The following KAZN variants were observed in gnomAD, a reference collection of about 807,000 sequenced individuals.
The protein encoded by KAZN is kazrin, periplakin interacting protein, also known as kazrin.
KAZN carries 40 observed loss-of-function variants against 87.4 expected under a neutral mutation model. That is an observed-to-expected ratio of 0.46 (90% CI 0.36 to 0.60). KAZN has a LOEUF of 0.60. KAZN is among the 20% of genes least tolerant of loss of function. The pLI is 0.00. For synonymous variants in KAZN, 466 were observed against 458.3 expected, an observed-to-expected ratio of 1.02 and a Z score of -0.22; for missense variants, 898 against 1,073.9, an observed-to-expected ratio of 0.84 and a Z score of 2.29.
chr1:14,219,877 T>C (rs1647054167), intron 2 of KAZN, among the ~76,000 whole-genome samples: 1 of 152,206 alleles, frequency 6.6e-6, no homozygotes, highest in Non-Finnish European at 1.5e-5. Flanking sequence ...TTAATCCATA[T>C]GTTCTAGTTT....
chr1:14,154,456 G>T (rs1421827935), intron 1 of KAZN, among the ~76,000 whole-genome samples: 1 of 152,072 alleles, frequency 6.6e-6, no homozygotes, highest in Non-Finnish European at 1.5e-5. Context: ...AGATAATTTG[G>T]CTTCTTCCTT....
chr1:14,141,748 C>T (rs1645244455), intron 1 of KAZN, among the ~76,000 whole-genome samples: 1 of 152,146 alleles, frequency 6.6e-6, no homozygotes, highest in Admixed American at 6.5e-5. Flanking sequence ...GTTTTGGCAG[C>T]ATGTGCTACT....
intron 1 of KAZN, among the ~76,000 whole-genome samples, chr1:14,175,319 G>C (rs763772553): frequency 6.6e-6 from 1 of 152,164 alleles, no homozygotes; most frequent in African/African-American, 2.4e-5. Flanking sequence ...TAGCCAGGAT[G>C]GTCTTGATCT....
intron 1 of KAZN, among the ~76,000 whole-genome samples, chr1:13,895,599 C>A (rs951846002): frequency 1.3e-5 from 2 of 152,104 alleles, no homozygotes; most frequent in African/African-American, 4.8e-5. Context: ...TCAATTAGGA[C>A]GCGAAAGGGA....
intron 2 of KAZN, among the ~76,000 whole-genome samples, chr1:14,496,508 G>T (rs551110181): frequency 6.6e-6 from 1 of 152,062 alleles, no homozygotes; most frequent in South Asian, 2.1e-4. Flanking sequence ...GAGAAAAAAG[G>T]TGTTTCCTTT....
chr1:14,396,378 C>T (rs962854589), intron 2 of KAZN, among the ~76,000 whole-genome samples: 10 of 152,112 alleles, frequency 6.6e-5, no homozygotes, highest in African/African-American at 2.2e-4. Context: ...AAGTCCCTGC[C>T]AGCCAAAGAC....
At chr1:14,542,500 G>T (rs1384002539) in intron 2 of KAZN, among the ~76,000 whole-genome samples, 1 of 152,106 alleles carries the variant, frequency 6.6e-6, no homozygotes, top group African/African-American at 2.4e-5. Flanking sequence ...ATATACTTCA[G>T]ATTTTAAGGA....
chr1:14,743,688 T>C (rs1390615066), intron 1 of KAZN, among the ~76,000 whole-genome samples: 2 of 152,262 alleles, frequency 1.3e-5, no homozygotes, highest in East Asian at 3.9e-4. Context: ...CAAGTTGCTT[T>C]GGTTCCCAGC....
At chr1:13,896,730 G>C (rs1456184201) in intron 1 of KAZN, among the ~76,000 whole-genome samples, 2 of 152,208 alleles carry the variant, frequency 1.3e-5, no homozygotes, top group African/African-American at 4.8e-5. Context: ...CCTCTAAATT[G>C]CATAGTCCCT....
intron 2 of KAZN, among the ~76,000 whole-genome samples, chr1:14,457,591 T>C (rs1667632522): frequency 2.0e-5 from 3 of 152,156 alleles, no homozygotes; most frequent in Admixed American, 1.3e-4. Flanking sequence ...TTATTTATTA[T>C]AGTACATTTT....
At chr1:14,269,520 GAGA>G (rs1342198310) in intron 2 of KAZN, among the ~76,000 whole-genome samples, 3 of 152,178 alleles carry the variant, frequency 2.0e-5, no homozygotes, top group Admixed American at 6.5e-5. Context: ...AGGGAACTGG[GAGA>G]AGATTAGGCT....
intron 1 of KAZN, among the ~76,000 whole-genome samples, chr1:13,925,458 C>A (rs1473624261): frequency 6.6e-6 from 1 of 152,000 alleles, no homozygotes; most frequent in African/African-American, 2.4e-5. Context: ...GACTTTTGGG[C>A]AAAGATCTGA....
At chr1:14,466,469 G>A (rs1014310903) in intron 2 of KAZN, among the ~76,000 whole-genome samples, 1 of 152,064 alleles carries the variant, frequency 6.6e-6, no homozygotes, top group Admixed American at 6.6e-5. Context: ...ACAGGGAGGG[G>A]AACAACACAC....
chr1:14,559,139 A>T (rs1201854591), intron 2 of KAZN, among the ~76,000 whole-genome samples: 2 of 152,128 alleles, frequency 1.3e-5, no homozygotes, highest in African/African-American at 4.8e-5. Flanking sequence ...GTCCCAAATG[A>T]GTCCCTTGGG....
intron 1 of KAZN, among the ~76,000 whole-genome samples, chr1:14,626,889 C>A (rs1679183806): frequency 6.6e-6 from 1 of 152,176 alleles, no homozygotes; most frequent in African/African-American, 2.4e-5. Flanking sequence ...TCCACTGATC[C>A]TTAAGTGCCA....
intron 1 of KAZN, among the ~76,000 whole-genome samples, chr1:14,885,236 C>T (rs536081934): frequency 1.7e-4 from 26 of 152,124 alleles, no homozygotes; most frequent in Non-Finnish European, 3.4e-4. Flanking sequence ...GAAGGTGGCT[C>T]GCCCCCATCC....
At position 15,099,527 on chromosome 1, in the gene KAZN, G is replaced by C. The variant is rs1015933857; in HGVS notation, c.1548-2016G>C. On this transcript the variant is annotated intron_variant, in intron 10 of 14. Coordinates refer to ENST00000376030, the MANE Select transcript of KAZN (RefSeq NM_201628.3). The surrounding 1 kb of genome is among the most constrained non-coding windows in gnomAD (Gnocchi z 5.4). ...GGTGAGCCCTGGGCAGGGTTGCAAG[G>C]GGCTGGCCGGGGAGGGGAATGGGGG... Among the ~76,000 whole-genome samples, 2 of 152,112 alleles carry C rather than the reference G, an allele frequency of 1.3e-5. No homozygotes were observed. The highest frequency in any genetic ancestry group is 4.8e-5 in the African/African-American group (2 of 41,422).
chr1:15,091,513 G>A (rs1473747371), intron 8 of KAZN, among the ~76,000 whole-genome samples: 1 of 152,068 alleles, frequency 6.6e-6, no homozygotes, highest in East Asian at 1.9e-4. Flanking sequence ...CCCACGCCGG[G>A]ATAATTTTTT....
At chr1:14,998,754 G>T (rs111843265) in intron 2 of KAZN, among the ~76,000 whole-genome samples, 7,854 of 152,156 alleles carry the variant, frequency 0.052, 428 homozygotes, top group African/African-American at 0.13. Context: ...TCGCCATGTT[G>T]TTCAGGCTGG....
Sources: allele counts gnomAD v4.1 joint callset (sites outside exome capture counted in the v4.1 genomes callset), GRCh38; gene constraint gnomAD v4.1.1; non-coding constraint Gnocchi (gnomAD v3.1); transcripts MANE v1.5; gene names NCBI Gene and HGNC (gene_info 2026-07-23, HGNC 2026-07-21).